The following FAM107B variants were observed in gnomAD, a reference collection of about 807,000 sequenced individuals.
The protein encoded by FAM107B is family with sequence similarity 107 member B.
FAM107B carries 21 observed loss-of-function variants against 31.5 expected under a neutral mutation model. The observed-to-expected ratio is 0.67, with a 90% CI of 0.47 to 0.96. The LOEUF is 0.96. Ranked by LOEUF, FAM107B falls within the 40% of genes least tolerant of loss-of-function variation. FAM107B has a pLI of 0.00. For synonymous variants in FAM107B, 157 were observed against 141.5 expected, an observed-to-expected ratio of 1.11 and a Z score of -0.78; for missense variants, 452 against 377.1, an observed-to-expected ratio of 1.20 and a Z score of -1.64.
chr10:14,542,820 T>C (rs1848345953), intron 2 of FAM107B: 1 of 152,250 alleles, frequency 6.6e-6, no homozygotes, highest in South Asian at 2.1e-4. Flanking sequence ...CATTAATTGC[T>C]GTGTATCAAC....
chr10:14,527,061 T>C (rs1846330252), intron 3 of FAM107B, among the ~76,000 whole-genome samples: 2 of 151,968 alleles, frequency 1.3e-5, no homozygotes, highest in South Asian at 2.1e-4. Flanking sequence ...ATGGTCTTGA[T>C]CTCCTCACCT....
At chr10:14,641,387 A>T (rs1853623649) in intron 2 of FAM107B, among the ~76,000 whole-genome samples, 1 of 152,206 alleles carries the variant, frequency 6.6e-6, no homozygotes, top group Non-Finnish European at 1.5e-5. Flanking sequence ...AATAGATGCA[A>T]AACCAAGTTA....
intron 2 of FAM107B, among the ~76,000 whole-genome samples, chr10:14,544,623 C>T (rs961409077): frequency 9.2e-5 from 14 of 152,124 alleles, no homozygotes; most frequent in African/African-American, 3.4e-4. Context: ...AAGGCCTTAC[C>T]GTGAAACACC....
chr10:14,688,125 C>T (rs898506933), intron 1 of FAM107B, among the ~76,000 whole-genome samples: 4 of 152,202 alleles, frequency 2.6e-5, no homozygotes, highest in Non-Finnish European at 4.4e-5. Flanking sequence ...GTCTTCCAGC[C>T]TTCGTTTCTC....
intron 1 of FAM107B, among the ~76,000 whole-genome samples, chr10:14,767,569 C>T (rs953495392): frequency 1.6e-4 from 24 of 152,110 alleles, no homozygotes; most frequent in African/African-American, 5.5e-4. Flanking sequence ...AAAGAAAACA[C>T]ATGTGATCAT....
chr10:14,573,840 C>T (rs540906874), intron 2 of FAM107B, among the ~76,000 whole-genome samples: 1 of 152,070 alleles, frequency 6.6e-6, no homozygotes, highest in Admixed American at 6.5e-5. Context: ...ATAAACAATG[C>T]TGTTTGACTC....
chr10:14,528,343 G>A (rs969704438), intron 3 of FAM107B, among the ~76,000 whole-genome samples: 6 of 151,762 alleles, frequency 4.0e-5, no homozygotes, highest in Admixed American at 2.0e-4. Flanking sequence ...CACCAAGCCC[G>A]GCTAATTTTT....
chr10:14,547,143 T>C (rs940966875), intron 2 of FAM107B, among the ~76,000 whole-genome samples: 14 of 152,184 alleles, frequency 9.2e-5, no homozygotes, highest in African/African-American at 3.4e-4. Context: ...TTCTTCTGGG[T>C]ACACTGGCCC....
At chr10:14,580,444 C>G (rs1271038902) in intron 2 of FAM107B, among the ~76,000 whole-genome samples, 2 of 151,970 alleles carry the variant, frequency 1.3e-5, no homozygotes, top group African/African-American at 4.8e-5. Flanking sequence ...TTCCAGATCT[C>G]TGTATTAAGT....
At chr10:14,672,603 G>A (rs933354206) in intron 1 of FAM107B, among the ~76,000 whole-genome samples, 1 of 152,164 alleles carries the variant, frequency 6.6e-6, no homozygotes, top group Non-Finnish European at 1.5e-5. Flanking sequence ...TCTATATGGG[G>A]TCTGTTGCTG....
intron 2 of FAM107B, among the ~76,000 whole-genome samples, chr10:14,583,032 A>G (rs1354808227): frequency 6.6e-6 from 1 of 151,080 alleles, no homozygotes. Flanking sequence ...GGCTGCAGTA[A>G]GCGGAGATCG....
chr10:14,560,491 G>A (rs1026477945), intron 2 of FAM107B, among the ~76,000 whole-genome samples: 4 of 152,204 alleles, frequency 2.6e-5, no homozygotes, highest in Non-Finnish European at 5.9e-5. Flanking sequence ...CCAATGGCCT[G>A]CAGGTGGCAG....
chr10:14,572,864 A>T (rs893487374), intron 2 of FAM107B, among the ~76,000 whole-genome samples: 1 of 150,860 alleles, frequency 6.6e-6, no homozygotes, highest in East Asian at 1.9e-4. Context: ...TCCAGTCCCA[A>T]CTCTGCCCAA....
At chr10:14,772,444 C>T (rs751690361) in intron 1 of FAM107B, among the ~76,000 whole-genome samples, 58 of 151,516 alleles carry the variant, frequency 3.8e-4, no homozygotes, top group Non-Finnish European at 7.2e-4. Flanking sequence ...TAAGGGCTAG[C>T]GAACTACAAG....
chr10:14,689,346 C>G (rs1855069665), intron 1 of FAM107B, among the ~76,000 whole-genome samples: 1 of 143,772 alleles, frequency 7.0e-6, no homozygotes, highest in South Asian at 2.1e-4. Context: ...CACCACTGCA[C>G]TTTAGCCTGG....
chr10:14,630,706 C>T (rs1158826454), intron 2 of FAM107B, among the ~76,000 whole-genome samples: 1 of 151,742 alleles, frequency 6.6e-6, no homozygotes, highest in East Asian at 1.9e-4. Context: ...CCAAAATTAG[C>T]CAAGCATGAT....
chr10:14,541,054 G>A (rs1488409427), intron 2 of FAM107B, among the ~76,000 whole-genome samples: 1 of 152,026 alleles, frequency 6.6e-6, no homozygotes, highest in Non-Finnish European at 1.5e-5. Flanking sequence ...TCTCCCAAAG[G>A]TTCTATCTCA....
chr10:14,740,995 T>C (rs922058), intron 1 of FAM107B, among the ~76,000 whole-genome samples: 5,567 of 152,160 alleles, frequency 0.037, 346 homozygotes, highest in African/African-American at 0.13. Flanking sequence ...CAGGAAACGA[T>C]GTGTGAAAAC....
chr10:14,569,765 C>T (rs976996222), intron 2 of FAM107B, among the ~76,000 whole-genome samples: 2 of 152,258 alleles, frequency 1.3e-5, no homozygotes, highest in South Asian at 4.2e-4. Flanking sequence ...TTCTTTCTTC[C>T]CTTCTCCCTC....
Sources: allele counts gnomAD v4.1 joint callset (sites outside exome capture counted in the v4.1 genomes callset), GRCh38; gene constraint gnomAD v4.1.1; transcripts MANE v1.5; gene names NCBI Gene and HGNC (gene_info 2026-07-23, HGNC 2026-07-21).